AQR: variants seen among roughly 807,000 people sequenced by gnomAD.
AQR encodes the protein RNA helicase aquarius.
AQR carries 61 observed loss-of-function variants against 180.5 expected under a neutral mutation model. The ratio of observed to expected loss-of-function variants is 0.34; its 90% confidence interval spans 0.28 to 0.42. AQR has a LOEUF of 0.42. Among genes scored for constraint, AQR ranks in the 10% least tolerant of loss-of-function variants. The pLI is 1.00. For synonymous variants in AQR, 551 were observed against 588.8 expected (o/e 0.94, Z 0.93); for missense variants, 1,281 against 1,798.3 (o/e 0.71, Z 5.20).
intron 4 of AQR, among the ~76,000 whole-genome samples, chr15:34,952,133 A>C (rs1275695495): frequency 6.6e-6 from 1 of 152,190 alleles, no homozygotes; most frequent in African/African-American, 2.4e-5. Context: ...AGAGGCCCTG[A>C]CCTCTGATGT....
chr15:34,953,438 G>A (rs1894263511), intron 3 of AQR, among the ~76,000 whole-genome samples: 1 of 152,088 alleles, frequency 6.6e-6, no homozygotes, highest in South Asian at 2.1e-4. Context: ...ACTGTCACTA[G>A]ATAATTGTTT....
chr15:34,866,410 G>A (rs1892739190), intron 32 of AQR, among the ~76,000 whole-genome samples: 1 of 152,086 alleles, frequency 6.6e-6, no homozygotes, highest in Non-Finnish European at 1.5e-5. Flanking sequence ...TGATGTTCAA[G>A]ACAATACTGA....
At chr15:34,859,321 GA>G (rs1892636642) in intron 34 of AQR, among the ~76,000 whole-genome samples, 1 of 152,120 alleles carries the variant, frequency 6.6e-6, no homozygotes, top group African/African-American at 2.4e-5. Context: ...AGTCCTTAGG[GA>G]AATGAAAACC....
At chr15:34,929,034 T>G (rs540408203) in intron 12 of AQR, among the ~76,000 whole-genome samples, 23 of 152,294 alleles carry the variant, frequency 1.5e-4, no homozygotes, top group Admixed American at 3.9e-4. Flanking sequence ...CACTTTTTGA[T>G]GGGGTTGTTT....
chr15:34,923,937 C>T (rs962361776), intron 13 of AQR, among the ~76,000 whole-genome samples: 4 of 152,066 alleles, frequency 2.6e-5, no homozygotes, highest in African/African-American at 4.8e-5. Flanking sequence ...ATAAGTTTGT[C>T]AATTTCTATA....
At position 34,963,152 on chromosome 15, in the gene AQR, T is replaced by A. The variant is rs187678118; in HGVS notation, c.132+1082A>T. Among the ~76,000 whole-genome samples the A allele has an allele frequency of 6.3e-3, 954 of 151,930 alleles. 8 individuals are homozygous for A. The highest frequency in any genetic ancestry group is 0.018 in the African/African-American group (749 of 41,416). Reference sequence around the variant, plus strand: ...GAGCCACTGCACAAGCCAATTTTTTTAATTTTTTTGTAAAGGCGAGATCTC... The same window carrying A: ...GAGCCACTGCACAAGCCAATTTTTTAAATTTTTTTGTAAAGGCGAGATCTC... On this transcript the variant is annotated intron_variant, in intron 2 of 34. Coordinates refer to ENST00000156471, the MANE Select transcript of AQR (RefSeq NM_014691.3).
intron 13 of AQR, among the ~76,000 whole-genome samples, chr15:34,922,226 G>A (rs1335847353): frequency 6.6e-6 from 1 of 152,188 alleles, no homozygotes; most frequent in Non-Finnish European, 1.5e-5. Flanking sequence ...TTGCTGAGCA[G>A]TATTTCATGA....
chr15:34,859,999 T>G (rs760228413), intron 34 of AQR, 43 bp downstream of exon 34: 3 of 1,070,892 alleles, frequency 2.8e-6, no homozygotes, highest in Non-Finnish European at 3.8e-6. Context: ...AAGAAAATTA[T>G]TTCTACAGCA....
At chr15:34,965,903 G>A (rs2140511099) in intron 1 of AQR, among the ~76,000 whole-genome samples, 1 of 152,234 alleles carries the variant, frequency 6.6e-6, no homozygotes, top group Middle Eastern at 3.4e-3. Context: ...TCCTATCTCT[G>A]ATCTAAACTG....
At chr15:34,960,029 C>G (rs1367874753) in intron 3 of AQR, among the ~76,000 whole-genome samples, 2 of 152,214 alleles carry the variant, frequency 1.3e-5, no homozygotes, top group African/African-American at 4.8e-5. Context: ...TACCACTGTG[C>G]TTACAACTCT....
chr15:34,860,398 G>A (rs1226073410), intron 33 of AQR, among the ~76,000 whole-genome samples: 1 of 150,928 alleles, frequency 6.6e-6, no homozygotes, highest in Non-Finnish European at 1.5e-5. Context: ...TGCTGGCCAC[G>A]TGACTCCCAT....
At chr15:34,879,375 A>G (rs963135569) in intron 27 of AQR, among the ~76,000 whole-genome samples, 3 of 151,578 alleles carry the variant, frequency 2.0e-5, no homozygotes. Flanking sequence ...CCAAATTTCT[A>G]CCATGTTTCA....
At chr15:34,917,755 G>C (rs1474031365) in intron 15 of AQR, among the ~76,000 whole-genome samples, 1 of 151,696 alleles carries the variant, frequency 6.6e-6, no homozygotes, top group Non-Finnish European at 1.5e-5. Context: ...GGCTGAGGTG[G>C]GCAGATCGCT....
Position 34,969,680 on chromosome 15 carries a change from C to G in AQR, c.-67G>C. The G allele has an allele frequency of 2.6e-6, 4 of 1,529,618 alleles. No individual in the cohort carries two copies. Among genetic ancestry groups the G allele is most frequent in the Non-Finnish European group, 3.5e-6 (4 of 1,129,984 alleles). 94.8% of individuals were successfully genotyped at this position (1,529,618 alleles called of 1,614,324 possible). A position where few individuals can be genotyped will look rare whatever the true frequency, so the allele number is the denominator to read the frequency against. ...GCTCTGGGCAGCGGCAACCCTGGTC[C>G]ACTTCCCTTAAGTTACTGCCGGGGC... On this transcript the variant is annotated 5_prime_UTR_variant, in exon 1 of 35. Transcript: ENST00000156471.
intron 2 of AQR, among the ~76,000 whole-genome samples, chr15:34,963,020 A>T (rs1566793008): frequency 6.6e-6 from 1 of 152,178 alleles, no homozygotes; most frequent in Non-Finnish European, 1.5e-5. Flanking sequence ...TCTGTTGCCC[A>T]GGCTGGAGTG....
At chr15:34,894,793 G>C (rs1216795651) in intron 22 of AQR, among the ~76,000 whole-genome samples, 1 of 152,062 alleles carries the variant, frequency 6.6e-6, no homozygotes, top group Non-Finnish European at 1.5e-5. Flanking sequence ...CTGATTGTAA[G>C]TAGGCTATGA....
intron 16 of AQR, among the ~76,000 whole-genome samples, chr15:34,913,896 A>T (rs1242803076): frequency 6.6e-6 from 1 of 152,256 alleles, no homozygotes; most frequent in Admixed American, 6.5e-5. Context: ...ACTGATTATT[A>T]AGTCAAAAAT....
At chr15:34,947,253 G>A (rs1469678911) in intron 5 of AQR, among the ~76,000 whole-genome samples, 1 of 151,736 alleles carries the variant, frequency 6.6e-6, no homozygotes, top group African/African-American at 2.4e-5. Flanking sequence ...TATCCACTCA[G>A]GGTTGAATGG....
At chr15:34,925,454 G>A (rs944643006) in intron 13 of AQR, among the ~76,000 whole-genome samples, 8 of 152,294 alleles carry the variant, frequency 5.3e-5, no homozygotes, top group Admixed American at 2.0e-4. Flanking sequence ...CGCATGCCCC[G>A]TTTGAATCAG....
Sources: gnomAD v4.1 joint callset for allele counts (sites outside exome capture counted in the v4.1 genomes callset) on GRCh38, gnomAD v4.1.1 for gene constraint, MANE v1.5 for transcripts, NCBI Gene and HGNC (gene_info 2026-07-23, HGNC 2026-07-21) for gene names.